The following HSPA13 variants were observed in gnomAD, a reference collection of about 807,000 sequenced individuals.
HSPA13 encodes heat shock protein family A (Hsp70) member 13, also known as heat shock 70 kDa protein 13.
A neutral mutation model predicts 38.8 loss-of-function variants in HSPA13; 29 were observed. That is an observed-to-expected ratio of 0.75 (90% confidence interval 0.56 to 1.02). The LOEUF (loss-of-function observed/expected upper bound fraction) is 1.02, where lower values mean the gene tolerates loss of function less well. HSPA13 is among the 50% of genes least tolerant of loss of function. The pLI, the probability that HSPA13 is intolerant of heterozygous loss-of-function variation, is 0.00. For synonymous variants in HSPA13, 192 were observed against 205.3 expected (o/e 0.94, Z 0.56); for missense variants, 451 against 560.9 (o/e 0.80, Z 1.98).
chr21:14,371,266 G>C lies in HSPA13; in HGVS notation c.*2351C>G, dbSNP rs1982820036. 6.6e-6 allele frequency: 1 copy of C among 152,554 alleles called. No homozygotes were observed. The highest frequency in any genetic ancestry group is 2.4e-5 in the African/African-American group (1 of 41,438). 9.5% of individuals were successfully genotyped at this position (152,554 alleles called of 1,614,324 possible). A position where few individuals can be genotyped will look rare whatever the true frequency, so the allele number is the denominator to read the frequency against. Reference sequence around the variant, plus strand: ...GCAGTATCTGTTAAGTCAGTGGTTTGAGTGAAAACACAGTACCAAAACATT... The same window carrying C: ...GCAGTATCTGTTAAGTCAGTGGTTTCAGTGAAAACACAGTACCAAAACATT... On this transcript the variant is annotated 3_prime_UTR_variant, in exon 5 of 5. Coordinates refer to ENST00000285667, the MANE Select transcript of HSPA13 (RefSeq NM_006948.5).
In HSPA13 at chr21:14,373,621, T is replaced by C. The variant is rs1982880189; in HGVS notation, c.1412A>G (p.Asn471Ser). ...PNKHLQKTNF[N>S] ...TAACCATTATTTCTGCAGAATTCAGTTGAAGTTGGTTTTTTGTAAATGCTT... is the reference window on the plus strand; with the variant it reads ...TAACCATTATTTCTGCAGAATTCAGCTGAAGTTGGTTTTTTGTAAATGCTT... Residue 471 changes from asparagine (N) to serine (S), a missense_variant, in exon 5 of 5, where the codon AAC becomes AGC. Physicochemically the swap from Asn to Ser is conservative, Grantham distance 46. Transcript: ENST00000285667. The C allele has an allele frequency of 1.9e-6, 3 of 1,605,404 alleles. No individual in the cohort carries two copies. The highest frequency in any genetic ancestry group is 1.7e-6 in the Non-Finnish European group (2 of 1,177,020).
In HSPA13 at chr21:14,374,100, TAGTAA is replaced by T. The variant is rs771254149; in HGVS notation, c.928_932del (p.Leu310AsnfsTer13). 1.2e-6 allele frequency: 2 copies of T among 1,614,218 alleles called. No homozygotes were observed. The highest frequency in any genetic ancestry group is 1.7e-6 in the Non-Finnish European group (2 of 1,180,042). The stretch of plus-strand genomic sequence containing the variant: ...CCTTCCTGTCCTGCTCCTCCACCGT[TAGTAA>T]TACTGACAACTGAGCAGATTGATGA... On this transcript the variant is annotated frameshift_variant, in exon 5 of 5. Coordinates refer to ENST00000285667, the MANE Select transcript of HSPA13 (RefSeq NM_006948.5). LOFTEE classifies it high-confidence loss of function.
intron 4 of HSPA13, 45 bp from the exon 5 acceptor site, chr21:14,374,329 GTATGTA>G (rs1425315407): frequency 5.3e-6 from 7 of 1,332,352 alleles, no homozygotes; most frequent in African/African-American, 1.4e-5. Flanking sequence ...ATATATGTGT[GTATGTA>G]TACACGTATG....
chr21:14,380,677 A>G (rs1018978691), intron 2 of HSPA13, among the ~76,000 whole-genome samples: 1 of 152,202 alleles, frequency 6.6e-6, no homozygotes, highest in African/African-American at 2.4e-5. Flanking sequence ...AGAAGTGTAC[A>G]AAGATAAGTA....
In HSPA13 at chr21:14,373,592, C is replaced by A; in HGVS notation, c.*25G>T. The A allele has an allele frequency of 5.1e-6, 8 of 1,565,538 alleles. No homozygotes were observed. Among genetic ancestry groups the A allele is most frequent in the Non-Finnish European group, 7.0e-6 (8 of 1,150,558 alleles). On this transcript the variant is annotated 3_prime_UTR_variant, in exon 5 of 5. Coordinates refer to ENST00000285667, the MANE Select transcript of HSPA13 (RefSeq NM_006948.5). ...GGGAAGAGATCATCAGACAAGTTCACAAATAACCATTATTTCTGCAGAATT... is the reference window on the plus strand; with the variant it reads ...GGGAAGAGATCATCAGACAAGTTCAAAAATAACCATTATTTCTGCAGAATT...
chr21:14,372,109 A>C lies in HSPA13; in HGVS notation c.*1508T>G, dbSNP rs1198167394. On this transcript the variant is annotated 3_prime_UTR_variant, in exon 5 of 5. Coordinates refer to ENST00000285667, the MANE Select transcript of HSPA13 (RefSeq NM_006948.5). ...AAATATTAGTAACATTCAGCTTTTT[A>C]CTATGAGAAGCTGAAGTTTTGATGT... 6.6e-6 allele frequency: 1 copy of C among 152,010 alleles called. No homozygotes were observed. The highest frequency in any genetic ancestry group is 1.5e-5 in the Non-Finnish European group (1 of 67,922). 9.4% of individuals were successfully genotyped at this position (152,010 alleles called of 1,614,324 possible). A position where few individuals can be genotyped will look rare whatever the true frequency, so the allele number is the denominator to read the frequency against.
intron 2 of HSPA13, among the ~76,000 whole-genome samples, chr21:14,378,935 A>G (rs929521712): frequency 1.3e-5 from 2 of 152,060 alleles, no homozygotes; most frequent in Non-Finnish European, 2.9e-5. Flanking sequence ...GTTTTTAATA[A>G]CAGCAGAATA....
chr21:14,376,865 T>C (rs554899580), intron 3 of HSPA13, among the ~76,000 whole-genome samples: 3 of 152,378 alleles, frequency 2.0e-5, no homozygotes, highest in South Asian at 4.1e-4. Context: ...TCACCCTATT[T>C]AAATTCTACA....
chr21:14,377,661 A>G (rs578145293), intron 3 of HSPA13, among the ~76,000 whole-genome samples: 1 of 152,342 alleles, frequency 6.6e-6, no homozygotes, highest in Admixed American at 6.5e-5. Flanking sequence ...TCCACCCTCA[A>G]TCTGGGTGGG....
intron 3 of HSPA13, among the ~76,000 whole-genome samples, chr21:14,377,894 A>G (rs2123525811): frequency 6.6e-6 from 1 of 152,354 alleles, no homozygotes; most frequent in Admixed American, 6.5e-5. Flanking sequence ...AAAGCTGCAC[A>G]GTTGGCTTCC....
intron 2 of HSPA13, among the ~76,000 whole-genome samples, chr21:14,379,005 TAAAG>T (rs1294546895): frequency 9.9e-5 from 15 of 152,156 alleles, no homozygotes; most frequent in African/African-American, 3.4e-4. Flanking sequence ...TTTTGCTGAA[TAAAG>T]AAAGAATAAA....
chr21:14,379,833 T>C (rs1356887859), intron 2 of HSPA13, among the ~76,000 whole-genome samples: 1 of 152,000 alleles, frequency 6.6e-6, no homozygotes, highest in African/African-American at 2.4e-5. Flanking sequence ...ATGGCCGGCA[T>C]GGTGAAATCC....
At position 14,378,073 on chromosome 21, in the gene HSPA13, C is replaced by A. The variant is rs969422920; in HGVS notation, c.580+126G>T. The A allele has an allele frequency of 1.2e-5, 8 of 678,434 alleles. No homozygotes were observed. The African/African-American group carries it at 1.4e-4, about 12-fold the overall frequency. 42.0% of individuals were successfully genotyped at this position (678,434 alleles called of 1,614,324 possible). ...TGTCCCTCTAGAGAACCCTAATACA[C>A]CTACCATATAGTTTGTTTATTTTGA... On this transcript the variant is annotated intron_variant, in intron 3 of 4. Transcript: ENST00000285667.
chr21:14,379,676 A>T (rs1378809075), intron 2 of HSPA13, among the ~76,000 whole-genome samples: 2 of 152,246 alleles, frequency 1.3e-5, no homozygotes, highest in African/African-American at 4.8e-5. Context: ...CCCAAAAAAG[A>T]AGTCAAAAAA....
In HSPA13 at chr21:14,381,555, G is replaced by A. The variant is rs775416475; in HGVS notation, c.26-12C>T. 3.2e-6 allele frequency: 5 copies of A among 1,573,712 alleles called. No homozygotes were observed. In the East Asian group the frequency reaches 1.1e-4, roughly 36 times the overall value. On this transcript the variant is annotated splice_polypyrimidine_tract_variant and intron_variant, in intron 1 of 4. Coordinates refer to ENST00000285667, the MANE Select transcript of HSPA13 (RefSeq NM_006948.5). The stretch of plus-strand genomic sequence containing the variant: ...CAAAACAGCCGATCCTGAAATAAAG[G>A]AAAATTAAAAGATGTATTTTATCAA...
intron 3 of HSPA13, 46 bp from the exon 4 acceptor site, chr21:14,375,865 C>A (rs2822642): frequency 0.74 from 1,113,247 of 1,506,220 alleles, 413,873 homozygotes; most frequent in Middle Eastern, 0.84. Context: ...AGGATGCGAT[C>A]AAGTAATCTC....
At chr21:14,376,072 T>C (rs554890623) in intron 3 of HSPA13, among the ~76,000 whole-genome samples, 2 of 152,376 alleles carry the variant, frequency 1.3e-5, no homozygotes, top group Non-Finnish European at 2.9e-5. Flanking sequence ...TAAGTCATTC[T>C]ACTCTTTATT....
chr21:14,382,689 A>G (rs1351942751), intron 1 of HSPA13, among the ~76,000 whole-genome samples: 1 of 152,170 alleles, frequency 6.6e-6, no homozygotes, highest in Non-Finnish European at 1.5e-5. Flanking sequence ...CTCCAAATTC[A>G]GCATCCCTGA....
In HSPA13 at chr21:14,373,348, T is replaced by C. The variant is rs906118049; in HGVS notation, c.*269A>G. The stretch of plus-strand genomic sequence containing the variant: ...ATCAACCTCCAGAATCCAGAAAATA[T>C]AGTTATCCATACTCTTTTAAGAGAG... On this transcript the variant is annotated 3_prime_UTR_variant, in exon 5 of 5. Transcript: ENST00000285667. 1 of 352,044 alleles carries C rather than the reference T, an allele frequency of 2.8e-6. No individual in the cohort carries two copies. The highest frequency in any genetic ancestry group is 5.1e-6 in the Non-Finnish European group (1 of 195,996). The allele number at this position is 352,044 out of a possible 1,614,324, so 21.8% of individuals were successfully genotyped here. A position where few individuals can be genotyped will look rare whatever the true frequency, so the allele number is the denominator to read the frequency against.
Sources: allele counts gnomAD v4.1 joint callset (sites outside exome capture counted in the v4.1 genomes callset), GRCh38; gene constraint gnomAD v4.1.1; transcripts MANE v1.5; gene names NCBI Gene and HGNC (gene_info 2026-07-23, HGNC 2026-07-21).